ZC3H12B: variants seen among roughly 807,000 people sequenced by gnomAD.
The protein encoded by ZC3H12B is zinc finger CCCH-type containing 12B.
Under a neutral mutation model 43.9 loss-of-function variants are expected in ZC3H12B, and 7 were observed. That is an observed-to-expected ratio of 0.16 (90% CI 0.09 to 0.30). The LOEUF (loss-of-function observed/expected upper bound fraction) is 0.30. Ranked by LOEUF, ZC3H12B falls within the 10% of genes least tolerant of loss-of-function variation. The pLI is 1.00. For missense variants in ZC3H12B, 475 were observed against 670.2 expected (o/e 0.71, Z 3.22); for synonymous variants, 222 against 241.7 (o/e 0.92, Z 0.76).
chrX:65,105,573 G>A, the ZC3H12B span, among the ~76,000 whole-genome samples: 2 of 111,214 alleles, frequency 1.8e-5, no homozygotes, highest in African/African-American at 6.5e-5. Flanking sequence ...CGTGGTCATG[G>A]CTCACTGGTT....
the ZC3H12B span, among the ~76,000 whole-genome samples, chrX:65,150,746 G>C: frequency 9.0e-6 from 1 of 111,248 alleles, no homozygotes; most frequent in African/African-American, 3.3e-5. Flanking sequence ...TTTATATCCA[G>C]TGCCATTTGT....
the ZC3H12B span, among the ~76,000 whole-genome samples, chrX:65,292,950 C>T: frequency 8.9e-6 from 1 of 112,120 alleles, no homozygotes; most frequent in African/African-American, 3.2e-5. Context: ...TGCCACTGCA[C>T]TCAAGCATGG....
the ZC3H12B span, among the ~76,000 whole-genome samples, chrX:65,168,144 C>T: frequency 9.0e-6 from 1 of 111,594 alleles, no homozygotes; most frequent in Admixed American, 9.6e-5. Context: ...CCAGTTTTTG[C>T]CCATTTAGTA....
chrX:65,273,611 G>A, the ZC3H12B span, among the ~76,000 whole-genome samples: 2 of 111,633 alleles, frequency 1.8e-5, no homozygotes, highest in African/African-American at 3.3e-5. Flanking sequence ...CACTGTGTCC[G>A]ATATGAGATG....
At chrX:65,376,108 G>A (rs73516251) in intron 2 of ZC3H12B, among the ~76,000 whole-genome samples, 86 of 111,581 alleles carry the variant, frequency 7.7e-4, no homozygotes, top group Non-Finnish European at 1.4e-3. Context: ...TTCACCACAT[G>A]CTAAAGATCC....
chrX:65,422,554 T>C (rs2067031019), intron 3 of ZC3H12B, among the ~76,000 whole-genome samples: 1 of 111,299 alleles, frequency 9.0e-6, no homozygotes, highest in South Asian at 3.8e-4. Context: ...TTTTTTATTA[T>C]ACTTTAAGCT....
the ZC3H12B span, among the ~76,000 whole-genome samples, chrX:65,307,388 A>G: frequency 8.9e-6 from 1 of 111,988 alleles, no homozygotes; most frequent in Non-Finnish European, 1.9e-5. Context: ...GAAACATTGA[A>G]TTTAAGTATA....
At chrX:65,125,703 CT>C in the ZC3H12B span, among the ~76,000 whole-genome samples, 5 of 110,812 alleles carry the variant, frequency 4.5e-5, no homozygotes, top group African/African-American at 1.6e-4. Flanking sequence ...TGGATGAGGC[CT>C]TTTTATCATT....
At chrX:65,156,521 C>G in the ZC3H12B span, among the ~76,000 whole-genome samples, 1 of 111,339 alleles carries the variant, frequency 9.0e-6, no homozygotes, top group South Asian at 3.8e-4. Context: ...CCTGGGATTA[C>G]AGGCGTCTGT....
At chrX:65,068,392 G>A in the ZC3H12B span, among the ~76,000 whole-genome samples, 1 of 109,223 alleles carries the variant, frequency 9.2e-6, no homozygotes, top group Non-Finnish European at 1.9e-5. Flanking sequence ...GTGATTTTTG[G>A]TTTGAGGTTA....
chrX:65,410,637 CA>C (rs201191378), intron 3 of ZC3H12B, among the ~76,000 whole-genome samples: 9,766 of 108,504 alleles, frequency 0.09, 1,145 homozygotes, highest in African/African-American at 0.31. Context: ...AATAAACTGA[CA>C]AAAAAAAATA....
At chrX:65,445,779 C>T (rs2067367770) in intron 3 of ZC3H12B, among the ~76,000 whole-genome samples, 1 of 112,559 alleles carries the variant, frequency 8.9e-6, no homozygotes, top group Non-Finnish European at 1.9e-5. Flanking sequence ...TCTAGAAATG[C>T]TGTCTGGGAG....
chrX:65,103,531 TTAAAG>T, the ZC3H12B span, among the ~76,000 whole-genome samples: 4 of 111,873 alleles, frequency 3.6e-5, no homozygotes, highest in Non-Finnish European at 7.5e-5. Context: ...GATTAAGAGA[TTAAAG>T]TAAAGACAGG....
chrX:65,501,871 G>A (rs750268409), exon 5 of ZC3H12B: 7 of 1,205,471 alleles, frequency 5.8e-6, no homozygotes, highest in African/African-American at 1.8e-5. Context: ...TGGCTGATGA[G>A]CTCCGCATCA....
At chrX:65,382,445 A>T (rs2148011361) in intron 2 of ZC3H12B, among the ~76,000 whole-genome samples, 1 of 111,592 alleles carries the variant, frequency 9.0e-6, no homozygotes, top group South Asian at 3.8e-4. Context: ...TATTGATGGG[A>T]CGTATCTCAA....
intron 3 of ZC3H12B, among the ~76,000 whole-genome samples, chrX:65,460,814 C>T (rs1297932758): frequency 3.6e-5 from 4 of 111,457 alleles, no homozygotes; most frequent in Non-Finnish European, 7.5e-5. Context: ...GACTTCATGT[C>T]TAAAACACCA....
At chrX:65,212,757 G>A in the ZC3H12B span, among the ~76,000 whole-genome samples, 2 of 94,586 alleles carry the variant, frequency 2.1e-5, no homozygotes, top group East Asian at 6.3e-4. Context: ...TTCTCTTAAC[G>A]TTTTTCTGTC....
chrX:65,238,490 T>G, the ZC3H12B span, among the ~76,000 whole-genome samples: 2 of 97,462 alleles, frequency 2.1e-5, no homozygotes, highest in Non-Finnish European at 3.8e-5. Flanking sequence ...CTCTCTTTTC[T>G]TCTTTATTAG....
chrX:65,058,770 C>A, the ZC3H12B span, among the ~76,000 whole-genome samples: 1 of 112,166 alleles, frequency 8.9e-6, no homozygotes, highest in Non-Finnish European at 1.9e-5. Context: ...CAAGCCTCAG[C>A]AGTGGCGGCC....
Sources: gnomAD v4.1 joint callset for allele counts (sites outside exome capture counted in the v4.1 genomes callset) on GRCh38, gnomAD v4.1.1 for gene constraint, MANE v1.5 for transcripts, NCBI Gene and HGNC (gene_info 2026-07-23, HGNC 2026-07-21) for gene names.